COL4A1: variants seen among roughly 807,000 people sequenced by gnomAD.
The protein encoded by COL4A1 is collagen type IV alpha 1 chain.
COL4A1 carries 40 observed loss-of-function variants against 216.6 expected under a neutral mutation model. The observed-to-expected ratio is 0.18, with a 90% confidence interval of 0.14 to 0.24. COL4A1 has a LOEUF of 0.24. Among genes scored for constraint, COL4A1 ranks in the 10% least tolerant of loss-of-function variants. The pLI, the probability that COL4A1 is intolerant of heterozygous loss-of-function variation, is 1.00. For missense variants in COL4A1, 1,628 were observed against 2,196.8 expected (o/e 0.74, Z 5.18); for synonymous variants, 839 against 810.7 (o/e 1.03, Z -0.59).
chr13:110,226,816 CTTTT>C (rs1880756492), intron 2 of COL4A1, among the ~76,000 whole-genome samples: 1 of 152,144 alleles, frequency 6.6e-6, no homozygotes, highest in Non-Finnish European at 1.5e-5. Flanking sequence ...GAAGTTTTTT[CTTTT>C]GTGTTTTGCT....
In COL4A1 at chr13:110,163,527, T is replaced by G. The variant is rs1877183324; in HGVS notation, c.4185A>C (p.Pro1395=). The G allele has an allele frequency of 7.4e-6, 12 of 1,614,154 alleles. No individual in the cohort carries two copies. Among genetic ancestry groups the G allele is most frequent in the Non-Finnish European group, 1.0e-5 (12 of 1,180,012 alleles). ...GGGCACCGTCAAACCCAGGAATACC[T>G]GGAGGTCCAGGTATACCCACCAATC... ...VTGLVGIPGP[P]GIPGFDGAPG... is the part of the protein sequence containing the mutation. The change falls in exon 47 of 52, where the codon CCA becomes CCC. Residue 1395 remains proline (P), a synonymous_variant. Transcript: ENST00000375820.
At chr13:110,219,662 G>GTATATATA (rs67727932) in intron 2 of COL4A1, among the ~76,000 whole-genome samples, 2 of 64,508 alleles carry the variant, frequency 3.1e-5, no homozygotes, top group African/African-American at 1.2e-4. Flanking sequence ...ATATATATAT[G>GTATATATA]TATATATATA....
intron 1 of COL4A1, among the ~76,000 whole-genome samples, chr13:110,275,560 T>G (rs1883396797): frequency 6.6e-6 from 1 of 152,214 alleles, no homozygotes; most frequent in Non-Finnish European, 1.5e-5. Context: ...TTTACCCAAA[T>G]GAGCTGAAAA....
intron 1 of COL4A1, among the ~76,000 whole-genome samples, chr13:110,280,396 TTAAAA>T (rs1400218039): frequency 6.6e-6 from 1 of 152,192 alleles, no homozygotes; most frequent in Non-Finnish European, 1.5e-5. Context: ...CCTCAAAATC[TTAAAA>T]TAAAAGTCAC....
At chr13:110,222,401 G>A (rs529411906) in intron 2 of COL4A1, among the ~76,000 whole-genome samples, 2 of 152,154 alleles carry the variant, frequency 1.3e-5, no homozygotes, top group Non-Finnish European at 1.5e-5. Flanking sequence ...GGCTGCAGCT[G>A]CTCGCCACTA....
At chr13:110,234,222 A>C (rs1343964742) in intron 2 of COL4A1, among the ~76,000 whole-genome samples, 1 of 152,234 alleles carries the variant, frequency 6.6e-6, no homozygotes, top group Non-Finnish European at 1.5e-5. Context: ...GGGGGAACTT[A>C]CACTAGAATC....
chr13:110,157,392 G>A (rs543032357), intron 49 of COL4A1, among the ~76,000 whole-genome samples: 30 of 152,342 alleles, frequency 2.0e-4, no homozygotes, highest in African/African-American at 6.7e-4. Flanking sequence ...GTCATTTGCT[G>A]TTTCTAAAAT....
At chr13:110,174,825 G>A (rs1156547336) in intron 37 of COL4A1, 76 bp from the exon 38 acceptor site, 12 of 1,370,702 alleles carry the variant, frequency 8.8e-6, no homozygotes, top group Non-Finnish European at 1.3e-5. Flanking sequence ...ATAGATAATG[G>A]TATACATTTT....
chr13:110,156,983 T>C (rs749167453), intron 49 of COL4A1, among the ~76,000 whole-genome samples: 43 of 152,228 alleles, frequency 2.8e-4, no homozygotes, highest in Non-Finnish European at 5.3e-4. Context: ...ATTGGCCTTA[T>C]ACATCTGCCA....
intron 1 of COL4A1, among the ~76,000 whole-genome samples, chr13:110,248,289 G>A (rs1881920894): frequency 6.6e-6 from 1 of 152,182 alleles, no homozygotes; most frequent in Non-Finnish European, 1.5e-5. Context: ...CAGCAAGCGC[G>A]GGCCCCACAC....
intron 1 of COL4A1, among the ~76,000 whole-genome samples, chr13:110,292,978 G>A (rs1884145196): frequency 6.6e-6 from 1 of 152,218 alleles, no homozygotes; most frequent in Non-Finnish European, 1.5e-5. Context: ...TTCTAGAATT[G>A]TGGGAAAATA....
intron 49 of COL4A1, among the ~76,000 whole-genome samples, chr13:110,155,713 C>T (rs368561245): frequency 3.7e-4 from 57 of 152,258 alleles, no homozygotes; most frequent in Admixed American, 5.9e-4. Flanking sequence ...GAGTTCAAGT[C>T]CAGCCTGACC....
At position 110,233,213 on chromosome 13, in the gene COL4A1, G is replaced by A. The variant is rs575829132; in HGVS notation, c.144+9462C>T. Among the ~76,000 whole-genome samples, 362 of 152,200 alleles carry A rather than the reference G, an allele frequency of 2.4e-3. 2 individuals carry two copies. The highest frequency in any genetic ancestry group is 8.2e-3 in the African/African-American group (342 of 41,518). On this transcript the variant is annotated intron_variant, in intron 2 of 51. Coordinates refer to ENST00000375820, the MANE Select transcript of COL4A1 (RefSeq NM_001845.6). ...AAAAAGACAAAAGTAGGTGAATGTG[G>A]GAACGCACACTGATCACATGGATTC...
intron 22 of COL4A1, 136 bp from the exon 23 acceptor site, chr13:110,193,049 T>G: frequency 1.3e-6 from 1 of 771,954 alleles, no homozygotes; most frequent in Non-Finnish European, 2.2e-6. Flanking sequence ...TGGCAATGGC[T>G]CCTCCAGACA....
chr13:110,173,074 G>C (rs946104250), intron 40 of COL4A1, among the ~76,000 whole-genome samples: 2 of 152,170 alleles, frequency 1.3e-5, no homozygotes, highest in Non-Finnish European at 2.9e-5. Context: ...AAGCAAATGG[G>C]ATTCTCAGAC....
chr13:110,196,259 G>A (rs972134469), intron 21 of COL4A1, among the ~76,000 whole-genome samples: 3 of 152,180 alleles, frequency 2.0e-5, no homozygotes, highest in African/African-American at 7.2e-5. Context: ...GTCACCATGG[G>A]TCCCCCACAG....
At position 110,175,201 on chromosome 13, in the gene COL4A1, C is replaced by T. The variant is rs191628245; in HGVS notation, c.3198+17G>A. 1.3e-5 allele frequency: 21 copies of T among 1,614,134 alleles called. No homozygotes were observed. In the East Asian group the frequency reaches 1.3e-4, roughly 10 times the overall value. ...GAGCTGGGAGAAGGGGACCTTTCCACGCAGAGCGCTGGTTACCTTTTCACC... is the reference window on the plus strand; with the variant it reads ...GAGCTGGGAGAAGGGGACCTTTCCATGCAGAGCGCTGGTTACCTTTTCACC... On this transcript the variant is annotated intron_variant, in intron 37 of 51. Coordinates refer to ENST00000375820, the MANE Select transcript of COL4A1 (RefSeq NM_001845.6).
rs771532863 is a variant in COL4A1 at position 110,176,889 on chromosome 13, C to T, written c.2865G>A (p.Glu955=). The T allele has an allele frequency of 1.2e-6, 2 of 1,614,248 alleles. No individual in the cohort carries two copies. The highest frequency in any genetic ancestry group is 2.2e-5 in the South Asian group (2 of 91,092). ...SMKGQKGDQG[E]KGQIGPIGEK... ...TGAGAAGCCTCCTGGACTTGCCTTT[C>T]TCTCCTTGGTCTCCTTTCTGGCCCT... The change falls in exon 34 of 52, where the codon GAG becomes GAA. Residue 955 remains glutamate (E), a synonymous_variant. Coordinates refer to ENST00000375820, the MANE Select transcript of COL4A1 (RefSeq NM_001845.6).
intron 22 of COL4A1, 35 bp downstream of exon 22, chr13:110,194,988 A>G (rs765037790): frequency 5.1e-6 from 8 of 1,582,940 alleles, no homozygotes; most frequent in African/African-American, 2.7e-5. Context: ...ACGCAAAGAC[A>G]CAACCACCAT....
Sources: gnomAD v4.1 joint callset for allele counts (sites outside exome capture counted in the v4.1 genomes callset) on GRCh38, gnomAD v4.1.1 for gene constraint, MANE v1.5 for transcripts, NCBI Gene and HGNC (gene_info 2026-07-23, HGNC 2026-07-21) for gene names.